GRIA1: variants seen among roughly 807,000 people sequenced by gnomAD.
GRIA1 encodes glutamate receptor 1.
GRIA1 carries 31 observed loss-of-function variants against 99.2 expected under a neutral mutation model. The ratio of observed to expected loss-of-function variants is 0.31; its 90% CI spans 0.23 to 0.42. GRIA1 has a LOEUF of 0.42. GRIA1 is among the 10% of genes least tolerant of loss of function. GRIA1 has a pLI of 1.00. For missense variants in GRIA1, 782 were observed against 1,157.5 expected (o/e 0.68, Z 4.71); for synonymous variants, 438 against 432.4 (o/e 1.01, Z -0.16).
intron 2 of GRIA1, among the ~76,000 whole-genome samples, chr5:153,593,944 G>A (rs1561671652): frequency 6.6e-6 from 1 of 152,148 alleles, no homozygotes; most frequent in African/African-American, 2.4e-5. Flanking sequence ...TTGCATATTT[G>A]AAATAGTTTT....
At chr5:153,587,302 T>C (rs1366134177) in intron 2 of GRIA1, among the ~76,000 whole-genome samples, 1 of 152,082 alleles carries the variant, frequency 6.6e-6, no homozygotes, top group Non-Finnish European at 1.5e-5. Context: ...ACATGCTTGC[T>C]CCCACTTCAC....
chr5:153,732,340 C>T (rs530909116), intron 11 of GRIA1, among the ~76,000 whole-genome samples: 135 of 152,144 alleles, frequency 8.9e-4, no homozygotes, highest in Non-Finnish European at 1.7e-3. Flanking sequence ...ACATTCACAC[C>T]AACAATATAT....
chr5:153,565,429 C>T (rs114991629), intron 2 of GRIA1, among the ~76,000 whole-genome samples: 1 of 152,072 alleles, frequency 6.6e-6, no homozygotes, highest in African/African-American at 2.4e-5. Context: ...GCTGTTTTTT[C>T]TTTTAATGGC....
At chr5:153,637,878 T>C (rs182440187) in intron 2 of GRIA1, among the ~76,000 whole-genome samples, 1 of 152,244 alleles carries the variant, frequency 6.6e-6, no homozygotes, top group African/African-American at 2.4e-5. Flanking sequence ...CGTTATTCCC[T>C]ACCTAGCTCT....
At chr5:153,512,136 A>G (rs544651371) in intron 2 of GRIA1, among the ~76,000 whole-genome samples, 1 of 152,300 alleles carries the variant, frequency 6.6e-6, no homozygotes, top group East Asian at 1.9e-4. Flanking sequence ...TTCAGTGTGG[A>G]AGGTGACAAG....
intron 2 of GRIA1, among the ~76,000 whole-genome samples, chr5:153,517,004 C>T (rs916690683): frequency 3.9e-5 from 6 of 152,160 alleles, no homozygotes; most frequent in Non-Finnish European, 2.9e-5. Context: ...TGACAAATGA[C>T]GAAATATTGG....
intron 7 of GRIA1, among the ~76,000 whole-genome samples, chr5:153,678,616 G>T (rs1031063898): frequency 3.9e-5 from 6 of 152,188 alleles, no homozygotes; most frequent in Non-Finnish European, 5.9e-5. Context: ...AGACTCCACA[G>T]TCGAGACAGA....
chr5:153,763,137 T>C (rs1012746245), intron 11 of GRIA1, among the ~76,000 whole-genome samples: 2 of 152,184 alleles, frequency 1.3e-5, no homozygotes, highest in African/African-American at 2.4e-5. Flanking sequence ...TTTGTTGGAT[T>C]TCTTGGAGTA....
At chr5:153,756,733 A>G (rs1581604110) in intron 11 of GRIA1, among the ~76,000 whole-genome samples, 1 of 152,046 alleles carries the variant, frequency 6.6e-6, no homozygotes, top group Admixed American at 6.6e-5. Flanking sequence ...AGATTAGGAT[A>G]CCCTCTAGTG....
At chr5:153,767,090 A>G (rs979406655) in intron 12 of GRIA1, among the ~76,000 whole-genome samples, 6 of 152,198 alleles carry the variant, frequency 3.9e-5, no homozygotes, top group Admixed American at 6.5e-5. Flanking sequence ...GTATACAGGA[A>G]GGGAAACTGG....
rs144975626 is a variant in GRIA1, at chr5:153,658,834, G to A, written c.699+2962G>A. Among the ~76,000 whole-genome samples, 154 of 152,268 alleles carry A rather than the reference G, an allele frequency of 1.0e-3. 1 individual carries two copies. The Middle Eastern group carries it at 0.02, about 20-fold the overall frequency. On this transcript the variant is annotated intron_variant, in intron 5 of 15. Coordinates refer to ENST00000285900, the MANE Select transcript of GRIA1 (RefSeq NM_000827.4). ...GAATGCATGAGCTTCAAAGTAGCCA[G>A]CAGCATTCTTTTAGCAGATCACTTC...
chr5:153,743,865 A>G (rs910894263), intron 11 of GRIA1, among the ~76,000 whole-genome samples: 7 of 152,180 alleles, frequency 4.6e-5, no homozygotes, highest in African/African-American at 1.7e-4. Flanking sequence ...TGCACATCCT[A>G]TGCATAACGG....
At chr5:153,575,910 T>G (rs185001783) in intron 2 of GRIA1, among the ~76,000 whole-genome samples, 1 of 152,086 alleles carries the variant, frequency 6.6e-6, no homozygotes, top group Non-Finnish European at 1.5e-5. Context: ...ATACAACAGG[T>G]TCTTAGACAC....
At position 153,812,924 on chromosome 5, in the gene GRIA1, T is replaced by A. The variant is rs2149685946; in HGVS notation, c.*1699T>A. The A allele has an allele frequency of 6.6e-6, 1 of 152,306 alleles. No individual in the cohort carries two copies. The highest frequency in any genetic ancestry group is 1.5e-5 in the Non-Finnish European group (1 of 68,050). The allele number at this position is 152,306 out of a possible 1,614,324, so 9.4% of individuals were successfully genotyped here. On this transcript the variant is annotated 3_prime_UTR_variant, in exon 16 of 16. Transcript: ENST00000285900. ...CTTGTTCCCTTACCCCCTACTTCTATCCAATTTTCTCTGCTAGGGGTTATC... is the reference window on the plus strand; with the variant it reads ...CTTGTTCCCTTACCCCCTACTTCTAACCAATTTTCTCTGCTAGGGGTTATC...
intron 13 of GRIA1, among the ~76,000 whole-genome samples, chr5:153,788,911 G>T (rs973981151): frequency 3.3e-5 from 5 of 152,122 alleles, no homozygotes; most frequent in African/African-American, 7.2e-5. Context: ...CTCTCCAAGG[G>T]TTTCCTCTTA....
chr5:153,713,763 G>T (rs4336409), intron 11 of GRIA1, among the ~76,000 whole-genome samples: 71,814 of 151,996 alleles, frequency 0.47, 17,051 homozygotes, highest in Admixed American at 0.51. Context: ...GGAGAGATTT[G>T]TTTTCTCCAA....
intron 2 of GRIA1, among the ~76,000 whole-genome samples, chr5:153,505,464 G>T (rs1372369349): frequency 6.6e-6 from 1 of 152,222 alleles, no homozygotes; most frequent in Non-Finnish European, 1.5e-5. Flanking sequence ...AGAAGAACAT[G>T]CCCCAGAGAG....
chr5:153,750,800 T>C (rs943799014), intron 11 of GRIA1, among the ~76,000 whole-genome samples: 5 of 152,120 alleles, frequency 3.3e-5, no homozygotes, highest in Admixed American at 6.6e-5. Flanking sequence ...CTCCATTTTG[T>C]AAAGAACTAA....
At chr5:153,610,064 A>G (rs1765846045) in intron 2 of GRIA1, among the ~76,000 whole-genome samples, 1 of 152,094 alleles carries the variant, frequency 6.6e-6, no homozygotes, top group African/African-American at 2.4e-5. Flanking sequence ...TGGGCCCAGA[A>G]CTCCTCTATG....
Sources: gnomAD v4.1 joint callset for allele counts (sites outside exome capture counted in the v4.1 genomes callset) on GRCh38, gnomAD v4.1.1 for gene constraint, MANE v1.5 for transcripts, NCBI Gene and HGNC (gene_info 2026-07-23, HGNC 2026-07-21) for gene names.